RALGAPA2: variants seen among roughly 807,000 people sequenced by gnomAD.
RALGAPA2 encodes Ral GTPase activating protein catalytic subunit alpha 2, also known as ral GTPase-activating protein subunit alpha-2.
RALGAPA2 carries 139 observed loss-of-function variants against 230.4 expected under a neutral mutation model. That is an observed-to-expected ratio of 0.60 (90% confidence interval 0.53 to 0.69). The LOEUF is 0.69. RALGAPA2 is among the 30% of genes least tolerant of loss of function. RALGAPA2 has a pLI of 0.00. For synonymous variants in RALGAPA2, 847 were observed against 837.8 expected, an observed-to-expected ratio of 1.01 and a Z score of -0.19; for missense variants, 2,163 against 2,276.0, an observed-to-expected ratio of 0.95 and a Z score of 1.01.
intron 36 of RALGAPA2, among the ~76,000 whole-genome samples, chr20:20,483,990 G>C (rs551792519): frequency 2.6e-4 from 39 of 152,298 alleles, no homozygotes; most frequent in African/African-American, 9.4e-4. Context: ...ATAAAGGTCA[G>C]AACAGACAAC....
chr20:20,417,054 G>C (rs927914989), intron 37 of RALGAPA2, among the ~76,000 whole-genome samples: 1 of 152,218 alleles, frequency 6.6e-6, no homozygotes, highest in Non-Finnish European at 1.5e-5. Context: ...CCATGGCAGT[G>C]ATCTGCAGAG....
chr20:20,638,269 C>T (rs1244478838), intron 7 of RALGAPA2, among the ~76,000 whole-genome samples: 1 of 152,198 alleles, frequency 6.6e-6, no homozygotes, highest in African/African-American at 2.4e-5. Flanking sequence ...GTTCTTAATG[C>T]TTGTTAGACC....
chr20:20,493,728 A>G (rs2062127231), intron 36 of RALGAPA2, among the ~76,000 whole-genome samples: 1 of 152,344 alleles, frequency 6.6e-6, no homozygotes, highest in Non-Finnish European at 1.5e-5. Flanking sequence ...TCTTATATTA[A>G]AATTTTCAGT....
chr20:20,610,109 A>G (rs906155487), intron 14 of RALGAPA2, among the ~76,000 whole-genome samples: 8 of 150,198 alleles, frequency 5.3e-5, no homozygotes, highest in African/African-American at 1.7e-4. Flanking sequence ...TATTCTAGAT[A>G]TGCTTTTTAA....
At chr20:20,634,939 TTGCTCAA>T (rs949008228) in intron 9 of RALGAPA2, among the ~76,000 whole-genome samples, 2 of 152,182 alleles carry the variant, frequency 1.3e-5, no homozygotes, top group Non-Finnish European at 2.9e-5. Flanking sequence ...GGCCCCACCA[TTGCTCAA>T]CAGCCAGCCC....
chr20:20,425,250 T>G (rs2060357445), intron 37 of RALGAPA2, among the ~76,000 whole-genome samples: 1 of 152,232 alleles, frequency 6.6e-6, no homozygotes, highest in Non-Finnish European at 1.5e-5. Context: ...TAGGCCCACG[T>G]GAAATCAGAC....
At chr20:20,609,418 T>TAACTGAGCTTCAGGGAAGTCAGGTC (rs2065913455) in intron 14 of RALGAPA2, among the ~76,000 whole-genome samples, 1 of 152,180 alleles carries the variant, frequency 6.6e-6, no homozygotes, top group African/African-American at 2.4e-5. Flanking sequence ...GAAGTCAGGT[T>TAACTGAGCTTCAGGGAAGTCAGGTC]AACTGAGCTT....
intron 10 of RALGAPA2, among the ~76,000 whole-genome samples, chr20:20,628,589 T>C (rs2066567141): frequency 6.6e-6 from 1 of 151,002 alleles, no homozygotes; most frequent in Non-Finnish European, 1.5e-5. Context: ...TTTGTCATGG[T>C]GGGGGTGGGG....
At chr20:20,687,888 T>G (rs1603245432) in intron 1 of RALGAPA2, among the ~76,000 whole-genome samples, 1 of 152,186 alleles carries the variant, frequency 6.6e-6, no homozygotes, top group South Asian at 2.1e-4. Context: ...GCTTGCCCAC[T>G]GACACAAACT....
chr20:20,561,567 A>G (rs2064258420), intron 23 of RALGAPA2, among the ~76,000 whole-genome samples: 1 of 152,226 alleles, frequency 6.6e-6, no homozygotes, highest in African/African-American at 2.4e-5. Context: ...TTTTTTAGAC[A>G]GAGAATTTAG....
chr20:20,514,315 G>A (rs966520663), intron 31 of RALGAPA2, among the ~76,000 whole-genome samples: 1 of 152,232 alleles, frequency 6.6e-6, no homozygotes, highest in East Asian at 1.9e-4. Flanking sequence ...CGGACTGGTA[G>A]TCTGAGCTGC....
intron 1 of RALGAPA2, among the ~76,000 whole-genome samples, chr20:20,705,041 C>T (rs867034978): frequency 3.3e-5 from 5 of 152,214 alleles, no homozygotes; most frequent in African/African-American, 9.7e-5. Context: ...ATGGTTCCAC[C>T]ACACTCCTCT....
intron 10 of RALGAPA2, among the ~76,000 whole-genome samples, chr20:20,624,153 C>T (rs1187119093): frequency 6.6e-6 from 1 of 151,892 alleles, no homozygotes; most frequent in Non-Finnish European, 1.5e-5. Context: ...ATGGCGAAAC[C>T]CCGTCTCTAC....
At chr20:20,428,916 T>C (rs1251482073) in intron 37 of RALGAPA2, among the ~76,000 whole-genome samples, 1 of 152,156 alleles carries the variant, frequency 6.6e-6, no homozygotes, top group Non-Finnish European at 1.5e-5. Flanking sequence ...AATATTCAAA[T>C]GTTGTACTGA....
At chr20:20,442,288 T>C (rs1301476885) in intron 37 of RALGAPA2, among the ~76,000 whole-genome samples, 1 of 152,212 alleles carries the variant, frequency 6.6e-6, no homozygotes, top group Non-Finnish European at 1.5e-5. Context: ...CTCACTAAAT[T>C]ATGACTTATA....
intron 26 of RALGAPA2, among the ~76,000 whole-genome samples, chr20:20,535,326 C>T (rs896811509): frequency 3.3e-5 from 5 of 152,152 alleles, no homozygotes; most frequent in Non-Finnish European, 7.4e-5. Context: ...ACCTCAGATG[C>T]CTGGCAGAAG....
intron 16 of RALGAPA2, among the ~76,000 whole-genome samples, chr20:20,595,113 G>A (rs1054892854): frequency 2.0e-5 from 3 of 151,988 alleles, no homozygotes; most frequent in Non-Finnish European, 4.4e-5. Flanking sequence ...AAAAGGCAGT[G>A]TGATCAAATT....
At chr20:20,477,651 T>C (rs1774652564) in intron 36 of RALGAPA2, among the ~76,000 whole-genome samples, 1 of 152,158 alleles carries the variant, frequency 6.6e-6, no homozygotes, top group African/African-American at 2.4e-5. Context: ...AGTGGCTCAA[T>C]CTTGGCTCAC....
intron 14 of RALGAPA2, among the ~76,000 whole-genome samples, chr20:20,608,167 G>A (rs928686971): frequency 3.3e-5 from 5 of 152,100 alleles, no homozygotes; most frequent in African/African-American, 1.2e-4. Context: ...TGGCACACAA[G>A]ATGTATTTTA....
Sources: allele counts gnomAD v4.1 joint callset (sites outside exome capture counted in the v4.1 genomes callset), GRCh38; gene constraint gnomAD v4.1.1; transcripts MANE v1.5; gene names NCBI Gene and HGNC (gene_info 2026-07-23, HGNC 2026-07-21).